Variants in IDH3B observed in about 807,000 individuals in gnomAD.
The protein encoded by IDH3B is isocitrate dehydrogenase (NAD(+)) 3 non-catalytic subunit beta, also known as isocitrate dehydrogenase [NAD] subunit beta, mitochondrial.
In IDH3B, 40 loss-of-function variants were observed where a neutral mutation model predicts 47.5. That is an observed-to-expected ratio of 0.84 (90% CI 0.65 to 1.10). IDH3B has a LOEUF of 1.10. IDH3B is among the 50% of genes least tolerant of loss of function. IDH3B has a pLI of 0.00. For missense variants in IDH3B, 450 were observed against 505.2 expected (o/e 0.89, Z 1.05); for synonymous variants, 185 against 191.0 (o/e 0.97, Z 0.26).
At chr20:2,662,869 A>C (rs996288424) in intron 4 of IDH3B, among the ~76,000 whole-genome samples, 3 of 152,230 alleles carry the variant, frequency 2.0e-5, no homozygotes, top group African/African-American at 7.2e-5. Context: ...AGGCAGGAGA[A>C]TCACTTGAAC....
chr20:2,659,336 G>A, intron 11 of IDH3B, 189 bp downstream of exon 11: 5 of 1,561,378 alleles, frequency 3.2e-6, no homozygotes, highest in Non-Finnish European at 3.4e-6. Flanking sequence ...GAGATCAAGA[G>A]GATGAAACAG....
rs752079547 is a variant in IDH3B, at chr20:2,660,189, A to G, written c.769-13T>C. Reference sequence around the variant, plus strand: ...GATTCTGCACCAGCTAGAGGGTGAGATGCAGGCATGAAGTAAATTCCACTC... The same window carrying G: ...GATTCTGCACCAGCTAGAGGGTGAGGTGCAGGCATGAAGTAAATTCCACTC... On this transcript the variant is annotated splice_polypyrimidine_tract_variant and intron_variant, in intron 8 of 11. Coordinates refer to ENST00000380843, the MANE Select transcript of IDH3B (RefSeq NM_006899.5). The surrounding 1 kb of genome is among the most constrained non-coding windows in gnomAD (Gnocchi z 5.6). 1.2e-6 allele frequency: 2 copies of G among 1,614,136 alleles called. No homozygotes were observed. The highest frequency in any genetic ancestry group is 1.1e-5 in the South Asian group (1 of 91,080).
chr20:2,658,919 T>C, intron 11 of IDH3B, 82 bp from the exon 12 acceptor site: 1 of 1,596,938 alleles, frequency 6.3e-7, no homozygotes, highest in Non-Finnish European at 8.5e-7. Context: ...ATTGAGGAAA[T>C]GGAAGCCAAG....
chr20:2,659,997 C>A, intron 9 of IDH3B, 33 bp downstream of exon 9: 1 of 1,613,752 alleles, frequency 6.2e-7, no homozygotes, highest in South Asian at 1.1e-5. Flanking sequence ...GACTTGAGGT[C>A]AGAGGAAGGG....
chr20:2,663,280 C>CTTGA (rs1464360575), intron 4 of IDH3B, among the ~76,000 whole-genome samples, 166 bp downstream of exon 4: 2 of 152,208 alleles, frequency 1.3e-5, no homozygotes, highest in African/African-American at 4.8e-5. Context: ...CTGACATGAT[C>CTTGA]TCTCAACTCC....
chr20:2,661,177 C>CTGTGTGTGTGTGTG (rs71329398), intron 4 of IDH3B, among the ~76,000 whole-genome samples: 7,154 of 150,116 alleles, frequency 0.048, 202 homozygotes, highest in Non-Finnish European at 0.069. Flanking sequence ...ATTGCATTTT[C>CTGTGTGTGTGTGTG]TGTGTGTGTG....
At chr20:2,664,089 G>A (rs2087003816) in intron 1 of IDH3B, 64 bp downstream of exon 1, 3 of 1,608,114 alleles carry the variant, frequency 1.9e-6, no homozygotes, top group Non-Finnish European at 2.5e-6. Flanking sequence ...CCCTGTTTAG[G>A]AAACCCTAGG....
rs1425069204 is a variant in IDH3B at position 2,661,042 on chromosome 20, C to G, written c.338-73G>C. 9.3e-6 allele frequency: 12 copies of G among 1,289,176 alleles called. No homozygotes were observed. The East Asian group carries it at 2.8e-4, about 30-fold the overall frequency. 79.9% of individuals were successfully genotyped at this position (1,289,176 alleles called of 1,614,324 possible). On this transcript the variant is annotated intron_variant, in intron 4 of 11. Coordinates refer to ENST00000380843, the MANE Select transcript of IDH3B (RefSeq NM_006899.5). ...AAGGGAACTCAGACCAGTGTCTAAC[C>G]CCCTTAGGAACATCATGTAACCCAG...
chr20:2,663,970 T>A lies in IDH3B; in HGVS notation c.72A>T (p.Arg24Ser), dbSNP rs748613512. The A allele has an allele frequency of 2.5e-6, 4 of 1,614,048 alleles. No individual in the cohort carries two copies. Among genetic ancestry groups the A allele is most frequent in the Non-Finnish European group, 3.4e-6 (4 of 1,180,002 alleles). ...GCGCCGCGGCCGAGGTACTCAGACC[T>A]CTCCATGCCCCAGGGTTCCCGGCGG... ...LVSAGNPGAWRGLSTSAAAHA... is the reference protein window; with the variant it reads ...LVSAGNPGAWSGLSTSAAAHA... Residue 24 changes from arginine (R) to serine (S), a missense_variant, in exon 2 of 12, where the codon AGA becomes AGT. Transcript: ENST00000380843.
Position 2,663,773 on chromosome 20 carries a change from G to C in IDH3B, c.118-15C>G. On this transcript the variant is annotated splice_polypyrimidine_tract_variant and intron_variant, in intron 2 of 11. Coordinates refer to ENST00000380843, the MANE Select transcript of IDH3B (RefSeq NM_006899.5). ...ACGTCCTCGGCCTCAATTGGGGGAA[G>C]AGGGGAGAAGTAAAGATAGAGCTGG... 1.2e-6 allele frequency: 2 copies of C among 1,613,064 alleles called. No individual in the cohort carries two copies. The highest frequency in any genetic ancestry group is 8.5e-7 in the Non-Finnish European group (1 of 1,179,040).
In IDH3B at chr20:2,660,915, C is replaced by T. The variant is rs776651371; in HGVS notation, c.392G>A (p.Arg131Gln). 4 of 1,614,120 alleles carry T rather than the reference C, an allele frequency of 2.5e-6. No individual in the cohort carries two copies. The highest frequency in any genetic ancestry group is 3.4e-6 in the Non-Finnish European group (4 of 1,180,020). Residue 131 changes from arginine to glutamine, a missense_variant, in exon 5 of 12, where the codon CGG (arginine) becomes CAG (glutamine). By Grantham distance (43) the Arg-to-Gln change is conservative. Coordinates refer to ENST00000380843, the MANE Select transcript of IDH3B (RefSeq NM_006899.5). This position sits in a 1 kb window ranked among gnomAD's most constrained non-coding sequence, Gnocchi z 5.6. ...CCCCACCCAGACCACCTACCTCAGC[C>T]GCATATCATAGGAGGCTAGCTCCCC... ...YKGELASYDMRLRRKLDLFAN... is the reference protein window; with the variant it reads ...YKGELASYDMQLRRKLDLFAN...
chr20:2,660,837 T>G lies in IDH3B; in HGVS notation c.399-8A>C. On this transcript the variant is annotated splice_polypyrimidine_tract_variant and splice_region_variant and intron_variant, in intron 5 of 11. Transcript: ENST00000380843. The surrounding 1 kb of genome is among the most constrained non-coding windows in gnomAD (Gnocchi z 5.6). The stretch of plus-strand genomic sequence containing the variant: ...AATAAGTCCAACTTACGCCTGAGGG[T>G]GGGCAGGGCCATCAGCTCTGCTCCT... 1 of 1,614,170 alleles carries G rather than the reference T, an allele frequency of 6.2e-7. No individual in the cohort carries two copies. Among genetic ancestry groups the G allele is most frequent in the Non-Finnish European group, 8.5e-7 (1 of 1,180,030 alleles).
At chr20:2,663,853 G>A (rs2086995702) in intron 2 of IDH3B, 72 bp downstream of exon 2, 5 of 1,595,742 alleles carry the variant, frequency 3.1e-6, no homozygotes, top group African/African-American at 1.3e-5. Context: ...GAGGGGTGGG[G>A]AAAAGCCAGG....
Position 2,659,114 on chromosome 20 carries a change from T to G in IDH3B, c.1072-277A>C, listed in dbSNP as rs1170801167. ...CAGAGGCAGGATGTGGCTACCTTCC[T>G]TGGAAGAAATAGAGACAAGACCAGG... On this transcript the variant is annotated intron_variant, in intron 11 of 11. Coordinates refer to ENST00000380843, the MANE Select transcript of IDH3B (RefSeq NM_006899.5). 2.3e-5 allele frequency: 27 copies of G among 1,192,388 alleles called. No individual in the cohort carries two copies. The Middle Eastern group carries it at 1.2e-3, about 54-fold the overall frequency. The allele number at this position is 1,192,388 out of a possible 1,614,324, so 73.9% of individuals were successfully genotyped here.
Position 2,660,737 on chromosome 20 carries a change from C to T in IDH3B, c.491G>A (p.Arg164Gln), listed in dbSNP as rs746378978. 3.7e-6 allele frequency: 6 copies of T among 1,614,162 alleles called. No homozygotes were observed. The highest frequency in any genetic ancestry group is 1.1e-5 in the South Asian group (1 of 91,080). ...GCTGTACTCCCCTTCTGTCTGCTCT[C>T]GAATGATCACCAGGTCTAGATTGTT... ...RHNNLDLVIIREQTEGEYSSL... is the reference protein window; with the variant it reads ...RHNNLDLVIIQEQTEGEYSSL... The change falls in exon 6 of 12, where the codon CGA becomes CAA. Residue 164 changes from arginine to glutamine, a missense_variant. Physicochemically the swap from Arg to Gln is conservative, Grantham distance 43 (BLOSUM62 1). Transcript: ENST00000380843. The surrounding 1 kb of genome is among the most constrained non-coding windows in gnomAD (Gnocchi z 5.6).
rs1290485337 is a variant in IDH3B at position 2,663,710 on chromosome 20, C to A, written c.166G>T (p.Gly56Ter). ...ATCAGCTCAGGCCCCACACCGTCTCCCGGAAGCATGGTCACGGGAAAGGAG... is the reference window on the plus strand; with the variant it reads ...ATCAGCTCAGGCCCCACACCGTCTCACGGAAGCATGGTCACGGGAAAGGAG... ...EGSFPVTMLPGDGVGPELMHA... is the reference protein window; with the variant it reads ...EGSFPVTMLP The change falls in exon 3 of 12, where the codon GGA (glycine) becomes TGA (stop). Residue 56 changes from glycine to a stop codon, truncating the protein, a stop_gained. Coordinates refer to ENST00000380843, the MANE Select transcript of IDH3B (RefSeq NM_006899.5). LOFTEE classifies it high-confidence loss of function. 1 of 1,614,076 alleles carries A rather than the reference C, an allele frequency of 6.2e-7. No homozygotes were observed. The highest frequency in any genetic ancestry group is 8.5e-7 in the Non-Finnish European group (1 of 1,180,052).
chr20:2,659,031 T>C (rs1271034971), intron 11 of IDH3B, 194 bp from the exon 12 acceptor site: 11 of 1,222,358 alleles, frequency 9.0e-6, no homozygotes, highest in African/African-American at 2.7e-5. Context: ...CTATTAGCTG[T>C]GCTGCAGCCA....
In IDH3B at chr20:2,663,905, C is replaced by T; in HGVS notation, c.117+20G>A. 6.2e-7 allele frequency: 1 copy of T among 1,613,034 alleles called. No individual in the cohort carries two copies. The highest frequency in any genetic ancestry group is 8.5e-7 in the Non-Finnish European group (1 of 1,179,118). On this transcript the variant is annotated intron_variant, in intron 2 of 11. Transcript: ENST00000380843. ...AAGGGACAGGGTCGTAAGAGAGACCCCAGCCAGATTCGTGCATACCTGGCT... is the reference window on the plus strand; with the variant it reads ...AAGGGACAGGGTCGTAAGAGAGACCTCAGCCAGATTCGTGCATACCTGGCT...
In IDH3B at chr20:2,658,464, A is replaced by G. The variant is rs1428118420; in HGVS notation, c.*287T>C. On this transcript the variant is annotated 3_prime_UTR_variant, in exon 12 of 12. Transcript: ENST00000380843. ...GGCCTATGGGTGGGGCAAGGCAGCA[A>G]TGACAGCCTCAGTGAAGTCATGGCA... The G allele has an allele frequency of 6.2e-7, 1 of 1,614,184 alleles. No individual in the cohort carries two copies. Among genetic ancestry groups the G allele is most frequent in the Admixed American group, 1.7e-5 (1 of 60,020 alleles).
Sources: gnomAD v4.1 joint callset for allele counts (sites outside exome capture counted in the v4.1 genomes callset) on GRCh38, gnomAD v4.1.1 for gene constraint, Gnocchi (gnomAD v3.1) non-coding constraint, MANE v1.5 for transcripts, NCBI Gene and HGNC (gene_info 2026-07-23, HGNC 2026-07-21) for gene names.